IL1RAPL1: variants seen among roughly 807,000 people sequenced by gnomAD.
The protein encoded by IL1RAPL1 is interleukin 1 receptor accessory protein like 1.
In IL1RAPL1, 3 loss-of-function variants were observed where a neutral mutation model predicts 48.4. That is an observed-to-expected ratio of 0.06 (90% CI 0.03 to 0.16). The LOEUF (loss-of-function observed/expected upper bound fraction) is 0.16. Among genes scored for constraint, IL1RAPL1 ranks in the 10% least tolerant of loss-of-function variants. The pLI is 1.00. For missense variants in IL1RAPL1, 349 were observed against 530.6 expected (o/e 0.66, Z 3.36); for synonymous variants, 185 against 187.7 (o/e 0.99, Z 0.12).
chrX:29,210,733 G>A (rs1930753467), intron 2 of IL1RAPL1, among the ~76,000 whole-genome samples: 2 of 111,563 alleles, frequency 1.8e-5, no homozygotes, highest in South Asian at 3.7e-4. Flanking sequence ...TAAGAGTCAC[G>A]CTCCCCTTGT....
At chrX:29,131,133 AG>A (rs78856545) in intron 2 of IL1RAPL1, among the ~76,000 whole-genome samples, 5,539 of 111,844 alleles carry the variant, frequency 0.05, 129 homozygotes, top group African/African-American at 0.087. Context: ...AACTCACTGC[AG>A]TAAATCTCAG....
At chrX:28,967,944 G>A (rs766290084) in intron 2 of IL1RAPL1, among the ~76,000 whole-genome samples, 4 of 111,810 alleles carry the variant, frequency 3.6e-5, no homozygotes, top group East Asian at 5.6e-4. Context: ...GAGAGAGAGC[G>A]TCCCTCACTT....
intron 8 of IL1RAPL1, among the ~76,000 whole-genome samples, chrX:29,933,857 C>T (rs1932988612): frequency 9.1e-6 from 1 of 110,442 alleles, no homozygotes; most frequent in Admixed American, 9.7e-5. Flanking sequence ...AACGAGTGGT[C>T]AGTGTATCCA....
chrX:28,920,208 C>G (rs1356598804), intron 2 of IL1RAPL1, among the ~76,000 whole-genome samples: 1 of 111,855 alleles, frequency 8.9e-6, no homozygotes, highest in Non-Finnish European at 1.9e-5. Flanking sequence ...TCCTCAACAC[C>G]TATATTTTAA....
chrX:29,803,026 C>CAT (rs1569173449), intron 6 of IL1RAPL1, among the ~76,000 whole-genome samples: 1 of 45,171 alleles, frequency 2.2e-5, no homozygotes. Context: ...TGTACATATA[C>CAT]ATGTATGCAT....
intron 8 of IL1RAPL1, among the ~76,000 whole-genome samples, chrX:29,921,763 C>G (rs184691911): frequency 1.8e-5 from 2 of 111,909 alleles, no homozygotes; most frequent in Non-Finnish European, 1.9e-5. Flanking sequence ...GAAAGCATTT[C>G]ACTTTCACTG....
intron 3 of IL1RAPL1, among the ~76,000 whole-genome samples, chrX:29,346,577 A>G (rs1180586774): frequency 8.9e-6 from 1 of 112,730 alleles, no homozygotes; most frequent in Non-Finnish European, 1.9e-5. Context: ...AATGAGTTAC[A>G]TTTTGTAAAG....
chrX:29,339,257 T>C (rs1472594429), intron 3 of IL1RAPL1, among the ~76,000 whole-genome samples: 1 of 112,197 alleles, frequency 8.9e-6, no homozygotes, highest in Non-Finnish European at 1.9e-5. Context: ...GGCTATTTGC[T>C]GTCATCAGCC....
At chrX:29,218,933 T>A (rs1350411179) in intron 2 of IL1RAPL1, among the ~76,000 whole-genome samples, 1 of 112,443 alleles carries the variant, frequency 8.9e-6, no homozygotes, top group Non-Finnish European at 1.9e-5. Flanking sequence ...GCATGTCAAC[T>A]CACATACTTG....
At chrX:28,778,352 G>C (rs1009077427) in intron 1 of IL1RAPL1, among the ~76,000 whole-genome samples, 2 of 111,296 alleles carry the variant, frequency 1.8e-5, no homozygotes, top group African/African-American at 6.5e-5. Context: ...AAATATATTG[G>C]CAGGGAGAAC....
intron 3 of IL1RAPL1, among the ~76,000 whole-genome samples, chrX:29,379,317 G>A (rs766424045): frequency 1.7e-4 from 19 of 112,238 alleles, no homozygotes; most frequent in Admixed American, 1.5e-3. Flanking sequence ...GAGAGCCTGC[G>A]AAGTAGACAT....
At chrX:29,336,640 C>G (rs1248721662) in intron 3 of IL1RAPL1, among the ~76,000 whole-genome samples, 3 of 110,260 alleles carry the variant, frequency 2.7e-5, no homozygotes, top group Non-Finnish European at 5.7e-5. Context: ...GACCCGAAGA[C>G]CCAGGGAAAA....
intron 7 of IL1RAPL1, among the ~76,000 whole-genome samples, chrX:29,918,534 A>G (rs918986952): frequency 2.8e-5 from 3 of 108,491 alleles, no homozygotes; most frequent in African/African-American, 1.0e-4. Context: ...AAATTTTCAC[A>G]GGAAACATTA....
intron 6 of IL1RAPL1, among the ~76,000 whole-genome samples, chrX:29,670,867 A>G (rs1307856529): frequency 8.9e-6 from 1 of 111,805 alleles, no homozygotes; most frequent in Non-Finnish European, 1.9e-5. Context: ...TGCGCCCATG[A>G]TGGGGAACTT....
chrX:28,894,725 G>A (rs1262463218), intron 2 of IL1RAPL1, among the ~76,000 whole-genome samples: 1 of 110,967 alleles, frequency 9.0e-6, no homozygotes, highest in Non-Finnish European at 1.9e-5. Context: ...ATGAGGGCTA[G>A]GCTAAAACAG....
intron 3 of IL1RAPL1, among the ~76,000 whole-genome samples, chrX:29,338,268 CAT>C (rs1163237527): frequency 9.0e-6 from 1 of 111,174 alleles, no homozygotes; most frequent in Non-Finnish European, 1.9e-5. Flanking sequence ...CACACACACA[CAT>C]ACACACACAC....
chrX:28,807,010 C>T (rs1191790819), intron 2 of IL1RAPL1, among the ~76,000 whole-genome samples: 1 of 111,257 alleles, frequency 9.0e-6, no homozygotes, highest in East Asian at 2.8e-4. Flanking sequence ...AGACTATCTA[C>T]AGAAGCTAAT....
chrX:29,260,546 A>G (rs1033825719), intron 2 of IL1RAPL1, among the ~76,000 whole-genome samples: 6 of 111,571 alleles, frequency 5.4e-5, no homozygotes, highest in African/African-American at 1.6e-4. Flanking sequence ...CTATGATTCA[A>G]TTATCTCCAC....
chrX:28,755,032 C>T (rs767545948), intron 1 of IL1RAPL1, among the ~76,000 whole-genome samples: 65 of 111,089 alleles, frequency 5.9e-4, no homozygotes, highest in Non-Finnish European at 9.8e-4. Flanking sequence ...TCACTCTTGT[C>T]GCCCAGGCTG....
Sources: allele counts gnomAD v4.1 joint callset (sites outside exome capture counted in the v4.1 genomes callset), GRCh38; gene constraint gnomAD v4.1.1; transcripts MANE v1.5; gene names NCBI Gene and HGNC (gene_info 2026-07-23, HGNC 2026-07-21).